The following COBL variants were observed in gnomAD, a reference collection of about 807,000 sequenced individuals.
The protein encoded by COBL is cordon-bleu WH2 repeat protein.
COBL carries 51 observed loss-of-function variants against 98.8 expected under a neutral mutation model. The observed-to-expected ratio is 0.52, with a 90% CI of 0.41 to 0.65. COBL has a LOEUF of 0.65. Among genes scored for constraint, COBL ranks in the 30% least tolerant of loss-of-function variants. COBL has a pLI of 0.00. For synonymous variants in COBL, 634 were observed against 651.7 expected, an observed-to-expected ratio of 0.97 and a Z score of 0.41; for missense variants, 1,617 against 1,617.5, an observed-to-expected ratio of 1.00 and a Z score of 0.01.
chr7:51,315,048 T>G (rs917602071), intron 1 of COBL, among the ~76,000 whole-genome samples: 1 of 152,188 alleles, frequency 6.6e-6, no homozygotes, highest in African/African-American at 2.4e-5. Context: ...TCATATTTAT[T>G]TATAAGGTGA....
chr7:51,182,915 G>A (rs1419437867), intron 5 of COBL, among the ~76,000 whole-genome samples: 4 of 152,180 alleles, frequency 2.6e-5, no homozygotes, highest in South Asian at 2.1e-4. Context: ...CAGTTCGGCC[G>A]AGCTCCACTG....
intron 1 of COBL, among the ~76,000 whole-genome samples, chr7:51,311,404 TG>T (rs1323621944): frequency 9.2e-5 from 14 of 152,186 alleles, no homozygotes; most frequent in Admixed American, 9.2e-4. Context: ...CACACACTGT[TG>T]GAAACCCATT....
intron 5 of COBL, chr7:51,156,445 C>T (rs774595317): frequency 2.0e-6 from 2 of 985,024 alleles, no homozygotes; most frequent in Non-Finnish European, 1.2e-6. Context: ...CCAGGAATCA[C>T]CCAGCAGGAA....
At chr7:51,256,633 C>T (rs1229232609) in intron 1 of COBL, among the ~76,000 whole-genome samples, 1 of 152,222 alleles carries the variant, frequency 6.6e-6, no homozygotes, top group African/African-American at 2.4e-5. Context: ...AGCACTCCTG[C>T]AAGCGTCACG....
At chr7:51,047,794 A>G (rs181147271) in intron 7 of COBL, among the ~76,000 whole-genome samples, 1 of 152,190 alleles carries the variant, frequency 6.6e-6, no homozygotes, top group Admixed American at 6.5e-5. Context: ...TCTATGTTCT[A>G]GGCACTTGGA....
intron 7 of COBL, among the ~76,000 whole-genome samples, chr7:51,050,860 TC>T (rs1432771205): frequency 6.6e-6 from 1 of 152,224 alleles, no homozygotes; most frequent in African/African-American, 2.4e-5. Context: ...TACTTCTGTT[TC>T]TGAGAACTGA....
In COBL at chr7:51,163,312, T is replaced by C. The variant is rs929965642; in HGVS notation, c.783+20790A>G. Among the ~76,000 whole-genome samples the C allele has an allele frequency of 2.6e-5, 4 of 152,222 alleles. No individual in the cohort carries two copies. In the East Asian group the frequency reaches 7.7e-4, roughly 29 times the overall value. On this transcript the variant is annotated intron_variant, in intron 5 of 12. Coordinates refer to ENST00000265136, the MANE Select transcript of COBL (RefSeq NM_015198.5). ...ACATCCTTAATTGAAGAGAGCATCA[T>C]AGCCAACATAAGTAGATATCAATAA...
chr7:51,095,232 C>T (rs1200950706), intron 6 of COBL, among the ~76,000 whole-genome samples: 1 of 152,140 alleles, frequency 6.6e-6, no homozygotes, highest in Non-Finnish European at 1.5e-5. Context: ...GGGAACTCCC[C>T]TTTATAAAAC....
intron 6 of COBL, among the ~76,000 whole-genome samples, chr7:51,112,012 A>T (rs1052383845): frequency 6.6e-6 from 1 of 152,228 alleles, no homozygotes; most frequent in African/African-American, 2.4e-5. Flanking sequence ...AAAGGAATCC[A>T]GTTCACTTGC....
At chr7:51,159,482 GA>G (rs1786562277) in intron 5 of COBL, among the ~76,000 whole-genome samples, 2 of 152,206 alleles carry the variant, frequency 1.3e-5, no homozygotes. Context: ...TCTGGTCTCT[GA>G]AGCAACTTAA....
rs553215073 is a variant in COBL, at chr7:51,310,625, C to T, written c.41+5968G>A. Among the ~76,000 whole-genome samples, 3 of 152,256 alleles carry T rather than the reference C, an allele frequency of 2.0e-5. No individual in the cohort carries two copies. The South Asian group carries it at 6.2e-4, about 32-fold the overall frequency. On this transcript the variant is annotated intron_variant, in intron 1 of 12. Transcript: ENST00000265136. ...GGGATCGACCAGCCAGGACGCGTGA[C>T]TTACCTGGTTTATCTTTGGAGGGTT...
chr7:51,316,629 T>C lies in COBL; in HGVS notation c.5A>G (p.Asp2Gly). M[D>G]APRASAAKPP... is the part of the protein sequence containing the mutation. Reference sequence around the variant, plus strand: ...CTTGGCCGCCGAGGCGCGCGGCGCGTCCATGGTGCCGGGGGCCGGGACGCG... The same window carrying C: ...CTTGGCCGCCGAGGCGCGCGGCGCGCCCATGGTGCCGGGGGCCGGGACGCG... Residue 2 changes from aspartate to glycine, a missense_variant, in exon 1 of 13, where the codon GAC becomes GGC. By Grantham distance (94) the Asp-to-Gly change is moderately conservative. Transcript: ENST00000265136. 1.7e-6 allele frequency: 2 copies of C among 1,200,294 alleles called. No homozygotes were observed. The highest frequency in any genetic ancestry group is 2.1e-6 in the Non-Finnish European group (2 of 967,782). 74.4% of individuals were successfully genotyped at this position (1,200,294 alleles called of 1,614,324 possible).
intron 1 of COBL, among the ~76,000 whole-genome samples, chr7:51,278,334 C>T (rs1388595386): frequency 6.6e-6 from 1 of 151,898 alleles, no homozygotes; most frequent in Non-Finnish European, 1.5e-5. Context: ...CAGGCCCCTC[C>T]TCCCAGCTGC....
intron 7 of COBL, among the ~76,000 whole-genome samples, chr7:51,074,957 A>G (rs983951262): frequency 2.0e-5 from 3 of 152,208 alleles, no homozygotes; most frequent in African/African-American, 7.2e-5. Context: ...GAATGCTTTC[A>G]TTAATTTTTC....
chr7:51,218,174 C>T (rs75580069), intron 2 of COBL, among the ~76,000 whole-genome samples: 7,452 of 152,252 alleles, frequency 0.049, 276 homozygotes, highest in Middle Eastern at 0.14. Context: ...GAGCAATGCT[C>T]CCCAAATTTT....
intron 5 of COBL, among the ~76,000 whole-genome samples, chr7:51,140,384 C>T (rs553575617): frequency 9.2e-5 from 14 of 152,220 alleles, no homozygotes; most frequent in South Asian, 2.1e-4. Flanking sequence ...GACTCTCATA[C>T]GCGCATCTGG....
chr7:51,122,820 AAC>A (rs1235101819), intron 6 of COBL, among the ~76,000 whole-genome samples: 1 of 152,100 alleles, frequency 6.6e-6, no homozygotes, highest in Non-Finnish European at 1.5e-5. Flanking sequence ...CTCTACTACA[AAC>A]ACAAAAATTA....
At chr7:51,063,377 C>T (rs1791581496) in intron 7 of COBL, among the ~76,000 whole-genome samples, 1 of 152,196 alleles carries the variant, frequency 6.6e-6, no homozygotes, top group African/African-American at 2.4e-5. Flanking sequence ...TCAGGTGATC[C>T]GCCTGCCTCG....
chr7:51,044,313 G>T (rs933793094), intron 7 of COBL, among the ~76,000 whole-genome samples: 4 of 152,158 alleles, frequency 2.6e-5, no homozygotes, highest in African/African-American at 9.7e-5. Context: ...GTGGCAACTT[G>T]CTCTCCAAGC....
Sources: gnomAD v4.1 joint callset for allele counts (sites outside exome capture counted in the v4.1 genomes callset) on GRCh38, gnomAD v4.1.1 for gene constraint, MANE v1.5 for transcripts, NCBI Gene and HGNC (gene_info 2026-07-23, HGNC 2026-07-21) for gene names.